CFAP107: variants seen among roughly 807,000 people sequenced by gnomAD.
CFAP107 encodes cilia- and flagella-associated protein 107.
At chr1:12,757,217 G>A in the CFAP107 span, among the ~76,000 whole-genome samples, 2 of 152,112 alleles carry the variant, frequency 1.3e-5, no homozygotes, top group Non-Finnish European at 2.9e-5. Flanking sequence ...CCCATTACAA[G>A]CTCTGACTAA....
the CFAP107 span, chr1:12,753,242 C>T: frequency 1.3e-5 from 2 of 151,730 alleles, no homozygotes; most frequent in Non-Finnish European, 2.9e-5. Flanking sequence ...GGAATGACAC[C>T]CTGTGTTCAT....
At chr1:12,747,301 T>C in the CFAP107 span, among the ~76,000 whole-genome samples, 1 of 152,240 alleles carries the variant, frequency 6.6e-6, no homozygotes, top group African/African-American at 2.4e-5. Flanking sequence ...ACTCCTGAGC[T>C]CAAGTGATGT....
the CFAP107 span, among the ~76,000 whole-genome samples, chr1:12,750,058 A>C: frequency 9.9e-5 from 15 of 152,250 alleles, no homozygotes; most frequent in Non-Finnish European, 1.9e-4. Flanking sequence ...ATGAGTCTGC[A>C]TTATATAAAG....
the CFAP107 span, among the ~76,000 whole-genome samples, chr1:12,751,821 C>A: frequency 6.6e-6 from 1 of 152,086 alleles, no homozygotes; most frequent in African/African-American, 2.4e-5. Context: ...ATACTGTGAA[C>A]AATTTATGCT....
chr1:12,755,173 G>A, the CFAP107 span, among the ~76,000 whole-genome samples: 2 of 152,182 alleles, frequency 1.3e-5, no homozygotes, highest in East Asian at 1.9e-4. Context: ...TTGGGAGGCC[G>A]AGGCACGTGG....
the CFAP107 span, chr1:12,761,926 A>C: frequency 6.6e-6 from 1 of 152,224 alleles, no homozygotes; most frequent in African/African-American, 2.4e-5. Context: ...AGAAGAACTC[A>C]GGCATGGTCC....
At chr1:12,760,566 G>A in the CFAP107 span, among the ~76,000 whole-genome samples, 1 of 152,194 alleles carries the variant, frequency 6.6e-6, no homozygotes, top group Non-Finnish European at 1.5e-5. Flanking sequence ...TGGGATGCAG[G>A]TGCACCTTGA....
the CFAP107 span, among the ~76,000 whole-genome samples, chr1:12,760,303 G>A: frequency 6.6e-6 from 1 of 152,200 alleles, no homozygotes; most frequent in African/African-American, 2.4e-5. Context: ...CCACACTAGT[G>A]AGGACACAGA....
chr1:12,761,077 A>C, the CFAP107 span: 6 of 905,024 alleles, frequency 6.6e-6, no homozygotes, highest in Non-Finnish European at 8.1e-6. Context: ...AGGTGCTCTC[A>C]GAATCATCAT....
chr1:12,752,374 C>T, the CFAP107 span, among the ~76,000 whole-genome samples: 3 of 151,548 alleles, frequency 2.0e-5, no homozygotes, highest in Non-Finnish European at 4.4e-5. Flanking sequence ...CAGTTGAGGT[C>T]ATGAGTTTGA....
the CFAP107 span, chr1:12,759,721 G>A: frequency 1.7e-6 from 1 of 594,126 alleles, no homozygotes; most frequent in Non-Finnish European, 3.0e-6. Flanking sequence ...GTGCCCCATG[G>A]TGGCGGGCTT....
the CFAP107 span, among the ~76,000 whole-genome samples, chr1:12,751,597 A>C: frequency 6.6e-6 from 1 of 152,332 alleles, no homozygotes; most frequent in East Asian, 1.9e-4. Flanking sequence ...ACTGCACTCC[A>C]ACCTGGGTGA....
At chr1:12,746,732 G>T in the CFAP107 span, among the ~76,000 whole-genome samples, 2 of 152,134 alleles carry the variant, frequency 1.3e-5, no homozygotes, top group South Asian at 4.2e-4. Flanking sequence ...ATTTTGCATG[G>T]TTTCTATGAC....
the CFAP107 span, chr1:12,753,939 G>A: frequency 5.9e-5 from 9 of 151,854 alleles, no homozygotes; most frequent in African/African-American, 1.5e-4. Flanking sequence ...AGAAAACATC[G>A]GGGAAAATTC....
At chr1:12,754,158 G>A in the CFAP107 span, among the ~76,000 whole-genome samples, 41 of 152,130 alleles carry the variant, frequency 2.7e-4, no homozygotes, top group Non-Finnish European at 5.6e-4. Flanking sequence ...AATATGTAAA[G>A]GACTTCTATA....
the CFAP107 span, among the ~76,000 whole-genome samples, chr1:12,747,400 C>T: frequency 6.6e-6 from 1 of 152,036 alleles, no homozygotes; most frequent in Admixed American, 6.6e-5. Flanking sequence ...AACAATTTGG[C>T]TCTTGGTTTT....
the CFAP107 span, chr1:12,761,246 TTG>T: frequency 1.3e-4 from 36 of 283,162 alleles, no homozygotes; most frequent in African/African-American, 6.9e-4. Flanking sequence ...TTCTACCCTG[TTG>T]TTTCACAAGA....
chr1:12,748,251 T>TG, the CFAP107 span, among the ~76,000 whole-genome samples: 1 of 152,010 alleles, frequency 6.6e-6, no homozygotes, highest in Non-Finnish European at 1.5e-5. Flanking sequence ...AAAGGTGGCA[T>TG]GGTTCAGATC....
chr1:12,753,778 T>C, the CFAP107 span: 2 of 151,926 alleles, frequency 1.3e-5, no homozygotes, highest in African/African-American at 2.4e-5. Flanking sequence ...GAAGAAAACA[T>C]AGGGGGCTGG....
Sources: gnomAD v4.1 joint callset for allele counts (sites outside exome capture counted in the v4.1 genomes callset) on GRCh38, gnomAD v4.1.1 for gene constraint, MANE v1.5 for transcripts, NCBI Gene and HGNC (gene_info 2026-07-23, HGNC 2026-07-21) for gene names.